Variants in FAM168A observed in about 807,000 individuals in gnomAD.
FAM168A encodes the protein protein FAM168A.
FAM168A carries 3 observed loss-of-function variants against 28.5 expected under a neutral mutation model. The ratio of observed to expected loss-of-function variants is 0.11; its 90% CI spans 0.05 to 0.27. The LOEUF (loss-of-function observed/expected upper bound fraction) is 0.27, where lower values mean the gene tolerates loss of function less well. FAM168A is among the 10% of genes least tolerant of loss of function. FAM168A has a pLI of 1.00. For missense variants in FAM168A, 222 were observed against 311.5 expected (o/e 0.71, Z 2.16); for synonymous variants, 122 against 124.2 (o/e 0.98, Z 0.12).
chr11:73,462,319 T>C (rs1867660735), intron 2 of FAM168A, among the ~76,000 whole-genome samples: 1 of 152,186 alleles, frequency 6.6e-6, no homozygotes, highest in Non-Finnish European at 1.5e-5. Flanking sequence ...CTGAGGTCAT[T>C]AGGCTGAGTG....
At chr11:73,461,704 T>A (rs1171807292) in intron 2 of FAM168A, among the ~76,000 whole-genome samples, 2 of 152,122 alleles carry the variant, frequency 1.3e-5, no homozygotes, top group Admixed American at 1.3e-4. Context: ...TGGAGTGATG[T>A]CAAATTTTCA....
At chr11:73,496,911 A>ACG (rs1854898958) in intron 1 of FAM168A, among the ~76,000 whole-genome samples, 1 of 148,696 alleles carries the variant, frequency 6.7e-6, no homozygotes, top group African/African-American at 2.5e-5. Context: ...ACACACGCAC[A>ACG]CACACGCACA....
intron 1 of FAM168A, among the ~76,000 whole-genome samples, chr11:73,585,801 G>A (rs763641360): frequency 1.4e-5 from 2 of 144,786 alleles, no homozygotes. Flanking sequence ...CAGGGAGGCA[G>A]AGGCTGCAGT....
intron 1 of FAM168A, among the ~76,000 whole-genome samples, chr11:73,576,229 T>G (rs1314130630): frequency 6.6e-6 from 1 of 152,308 alleles, no homozygotes; most frequent in Non-Finnish European, 1.5e-5. Flanking sequence ...TGAAAAAAAC[T>G]GGCTCTGTTC....
intron 1 of FAM168A, among the ~76,000 whole-genome samples, chr11:73,563,782 A>G (rs1044380764): frequency 1.3e-5 from 2 of 152,236 alleles, no homozygotes; most frequent in Non-Finnish European, 2.9e-5. Flanking sequence ...CATTTACCCA[A>G]TTAACAAATA....
chr11:73,492,599 C>A (rs555423591), intron 1 of FAM168A, among the ~76,000 whole-genome samples: 85 of 152,268 alleles, frequency 5.6e-4, no homozygotes, highest in Admixed American at 4.6e-4. Flanking sequence ...CGAGATCGCA[C>A]CTCTGCACTC....
chr11:73,560,007 C>T (rs12280651), intron 1 of FAM168A, among the ~76,000 whole-genome samples: 1 of 152,226 alleles, frequency 6.6e-6, no homozygotes, highest in Non-Finnish European at 1.5e-5. Flanking sequence ...TAAATAAATC[C>T]AAGCAGTTAT....
At chr11:73,545,027 A>AATATATATAATATATTATAT in intron 1 of FAM168A, among the ~76,000 whole-genome samples, 1 of 77,448 alleles carries the variant, frequency 1.3e-5, no homozygotes, top group South Asian at 2.7e-4. Flanking sequence ...TAGTATATAT[A>AATATATATAATATATTATAT]ATATATATAT....
chr11:73,542,272 T>C (rs1943667012), intron 1 of FAM168A, among the ~76,000 whole-genome samples: 1 of 152,218 alleles, frequency 6.6e-6, no homozygotes, highest in Non-Finnish European at 1.5e-5. Context: ...TAATAACCAT[T>C]GTAAAAATGT....
intron 1 of FAM168A, among the ~76,000 whole-genome samples, chr11:73,551,873 C>G (rs913876795): frequency 2.0e-5 from 3 of 152,230 alleles, no homozygotes; most frequent in Admixed American, 2.0e-4. Flanking sequence ...GCATTCAGAA[C>G]TGCCATGTGC....
At chr11:73,559,299 CGG>C (rs1740895463) in intron 1 of FAM168A, among the ~76,000 whole-genome samples, 1 of 151,906 alleles carries the variant, frequency 6.6e-6, no homozygotes, top group Admixed American at 6.6e-5. Flanking sequence ...CCCAGTTACT[CGG>C]GAGGCTGAGG....
In FAM168A at chr11:73,403,107, G is replaced by A. The variant is rs1590746892; in HGVS notation, c.*3656C>T. The stretch of plus-strand genomic sequence containing the variant: ...TTGGCAACCAATGTCAAAGTACTTT[G>A]CATACCAAAAACGCTCTGGACAGGT... On this transcript the variant is annotated 3_prime_UTR_variant, in exon 8 of 8. Transcript: ENST00000356467. 6.6e-6 allele frequency: 1 copy of A among 152,162 alleles called. No individual in the cohort carries two copies. Among genetic ancestry groups the A allele is most frequent in the Non-Finnish European group, 1.5e-5 (1 of 68,030 alleles). 9.4% of individuals were successfully genotyped at this position (152,162 alleles called of 1,614,324 possible).
chr11:73,524,683 C>T (rs1439940827), intron 1 of FAM168A, among the ~76,000 whole-genome samples: 2 of 151,998 alleles, frequency 1.3e-5, no homozygotes, highest in Non-Finnish European at 2.9e-5. Flanking sequence ...CTGCAACCTC[C>T]GCCTCCCAGA....
intron 1 of FAM168A, among the ~76,000 whole-genome samples, chr11:73,497,977 C>G (rs1854926448): frequency 6.6e-6 from 1 of 152,030 alleles, no homozygotes; most frequent in Admixed American, 6.6e-5. Context: ...ATTCATTTAA[C>G]AAATGTTTAT....
intron 1 of FAM168A, among the ~76,000 whole-genome samples, chr11:73,584,928 A>G (rs1944293737): frequency 6.6e-6 from 1 of 152,092 alleles, no homozygotes; most frequent in South Asian, 2.1e-4. Flanking sequence ...CTTGAGGCCA[A>G]CAGTTCAAGA....
intron 3 of FAM168A, among the ~76,000 whole-genome samples, chr11:73,422,761 C>T (rs966080035): frequency 4.6e-5 from 7 of 151,402 alleles, no homozygotes; most frequent in East Asian, 3.9e-4. Context: ...TATACTTTGC[C>T]GTCTATATGT....
Position 73,481,912 on chromosome 11 carries a change from G to T in FAM168A, c.-18-13420C>A, listed in dbSNP as rs748275549. The stretch of plus-strand genomic sequence containing the variant: ...GAATGGATTAACATCCTTATAAAAG[G>T]GTTTGATGGAGGAAGTTCATCCTTT... On this transcript the variant is annotated intron_variant, in intron 1 of 7. Transcript: ENST00000356467. 2.0e-5 allele frequency among the ~76,000 whole-genome samples: 3 copies of T among 152,106 alleles called. No individual in the cohort carries two copies. In the South Asian group the frequency reaches 6.2e-4, roughly 32 times the overall value.
At chr11:73,495,742 G>C (rs1854861518) in intron 1 of FAM168A, among the ~76,000 whole-genome samples, 1 of 152,118 alleles carries the variant, frequency 6.6e-6, no homozygotes, top group Non-Finnish European at 1.5e-5. Flanking sequence ...CACCCATTAA[G>C]ATGACTATTA....
At chr11:73,564,451 A>C (rs1943995150) in intron 1 of FAM168A, among the ~76,000 whole-genome samples, 1 of 152,124 alleles carries the variant, frequency 6.6e-6, no homozygotes, top group Non-Finnish European at 1.5e-5. Flanking sequence ...AAAGAAGGCT[A>C]GAGGTGGCCA....
Sources: allele counts gnomAD v4.1 joint callset (sites outside exome capture counted in the v4.1 genomes callset), GRCh38; gene constraint gnomAD v4.1.1; transcripts MANE v1.5; gene names NCBI Gene and HGNC (gene_info 2026-07-23, HGNC 2026-07-21).